Variants in ERBIN observed in about 807,000 individuals in gnomAD.
ERBIN encodes the protein densin-180-like protein.
In ERBIN, 60 loss-of-function variants were observed where a neutral mutation model predicts 158.4. That is an observed-to-expected ratio of 0.38 (90% CI 0.31 to 0.47). ERBIN has a LOEUF of 0.47. ERBIN is among the 20% of genes least tolerant of loss of function. The probability of loss-of-function intolerance (pLI) is 0.99; values close to 1 mark genes in which losing one functional copy is unlikely to be tolerated. For synonymous variants in ERBIN, 594 were observed against 557.2 expected, an observed-to-expected ratio of 1.07 and a Z score of -0.93; for missense variants, 1,610 against 1,648.0, an observed-to-expected ratio of 0.98 and a Z score of 0.40.
At chr5:65,938,114 T>A (rs1335125718) in intron 1 of ERBIN, among the ~76,000 whole-genome samples, 1 of 152,196 alleles carries the variant, frequency 6.6e-6, no homozygotes, top group Non-Finnish European at 1.5e-5. Context: ...ATACGCATAT[T>A]TGTTATTTTT....
Position 66,043,152 on chromosome 5 carries a change from C to T in ERBIN, c.1382C>T (p.Ala461Val). 4 of 1,613,212 alleles carry T rather than the reference C, an allele frequency of 2.5e-6. No homozygotes were observed. The highest frequency in any genetic ancestry group is 3.4e-6 in the Non-Finnish European group (4 of 1,179,320). ...EEQRKQRAQVAFECDEDKDER... is the reference protein window; with the variant it reads ...EEQRKQRAQVVFECDEDKDER... ...CAGAGGAAACAGCGGGCTCAAGTTG[C>T]ATTTGAATGTGATGAAGACAAAGAT... is the stretch of plus-strand genomic sequence containing the variant. Residue 461 changes from alanine to valine, a missense_variant, in exon 16 of 26, where the codon GCA becomes GTA. Transcript: ENST00000284037.
chr5:65,960,430 C>G (rs192788154), intron 1 of ERBIN, among the ~76,000 whole-genome samples: 243 of 152,254 alleles, frequency 1.6e-3, no homozygotes, highest in Non-Finnish European at 3.0e-3. Context: ...AGTTGTACAC[C>G]TAAGACCTCT....
chr5:66,025,855 T>A lies in ERBIN; in HGVS notation c.898T>A (p.Ser300Thr). 1 of 1,494,300 alleles carries A rather than the reference T, an allele frequency of 6.7e-7. No homozygotes were observed. The allele number at this position is 1,494,300 out of a possible 1,614,324, so 92.6% of individuals were successfully genotyped here. A position where few individuals can be genotyped will look rare whatever the true frequency, so the allele number is the denominator to read the frequency against. The change falls in exon 12 of 26, where the codon TCA (serine) becomes ACA (threonine). Residue 300 changes from serine (S) to threonine (T), a missense_variant. Physicochemically the swap from Ser to Thr is moderately conservative, Grantham distance 58 (BLOSUM62 1). Coordinates refer to ENST00000284037, the MANE Select transcript of ERBIN (RefSeq NM_001253697.2). ...TCTTTTTTTAAATTAAAGGTTAATA[T>A]CAGTAGAAGAACTGGATTGTAGTTT... ...YLPDSIGGLI[S>T]VEELDCSFNE... is the part of the protein sequence containing the mutation.
chr5:66,037,096 T>C (rs1357839302), intron 14 of ERBIN, among the ~76,000 whole-genome samples: 5 of 152,174 alleles, frequency 3.3e-5, no homozygotes, highest in Non-Finnish European at 1.5e-5. Context: ...TCCCATATAA[T>C]TTTTATATGC....
At chr5:66,045,282 A>G (rs1364700860) in intron 17 of ERBIN, among the ~76,000 whole-genome samples, 1 of 152,090 alleles carries the variant, frequency 6.6e-6, no homozygotes, top group African/African-American at 2.4e-5. Context: ...TCATAACACA[A>G]CTTTCCTATA....
intron 21 of ERBIN, among the ~76,000 whole-genome samples, chr5:66,064,510 A>G (rs1021300739): frequency 6.6e-6 from 1 of 152,180 alleles, no homozygotes; most frequent in African/African-American, 2.4e-5. Context: ...TAATTTTCCC[A>G]GGATGATATG....
chr5:66,026,422 G>A lies in ERBIN; in HGVS notation c.1136+5G>A, dbSNP rs368426796. The stretch of plus-strand genomic sequence containing the variant: ...CATTAATTTAAGTGATAATAGGTTC[G>A]TAATACTATATTCATCAGTTGGTTT... On this transcript the variant is annotated splice_donor_5th_base_variant and intron_variant, in intron 13 of 25. Transcript: ENST00000284037. 8.8e-6 allele frequency: 13 copies of A among 1,477,046 alleles called. No homozygotes were observed. The highest frequency in any genetic ancestry group is 2.8e-5 in the African/African-American group (2 of 70,680). The allele number at this position is 1,477,046 out of a possible 1,614,324, so 91.5% of individuals were successfully genotyped here.
intron 18 of ERBIN, among the ~76,000 whole-genome samples, chr5:66,047,079 T>A (rs1008312728): frequency 1.3e-5 from 2 of 152,122 alleles, no homozygotes; most frequent in African/African-American, 2.4e-5. Flanking sequence ...TTTTAGAACA[T>A]GTTTCTCACC....
chr5:66,012,299 C>T (rs1754288967), intron 5 of ERBIN, among the ~76,000 whole-genome samples, 172 bp downstream of exon 5: 1 of 152,150 alleles, frequency 6.6e-6, no homozygotes, highest in Non-Finnish European at 1.5e-5. Context: ...ACCCCATGTA[C>T]TACTGAGGTA....
chr5:65,965,560 A>ATGCCTGGCTAG (rs1748509357), intron 1 of ERBIN, among the ~76,000 whole-genome samples: 1 of 6,326 alleles, frequency 1.6e-4, no homozygotes, highest in South Asian at 8.2e-3. Flanking sequence ...ATGTGCTACC[A>ATGCCTGGCTAG]TTTTTGTATT....
intron 1 of ERBIN, chr5:65,984,831 GAA>G (rs1751040122): frequency 6.7e-6 from 1 of 149,896 alleles, no homozygotes; most frequent in Non-Finnish European, 1.5e-5. Flanking sequence ...ATTGCTCACT[GAA>G]AAAGAAAAAA....
At chr5:66,025,225 AG>A in intron 10 of ERBIN, 1 of 427,124 alleles carries the variant, frequency 2.3e-6, no homozygotes. Flanking sequence ...AAGACAAAAA[AG>A]TTCCTACTAT....
chr5:65,976,111 A>T (rs557650629), intron 1 of ERBIN, among the ~76,000 whole-genome samples: 1 of 152,344 alleles, frequency 6.6e-6, no homozygotes, highest in East Asian at 1.9e-4. Flanking sequence ...GAACTGGTGG[A>T]ATACCTGTGG....
chr5:65,936,826 T>C (rs1219123007), intron 1 of ERBIN, among the ~76,000 whole-genome samples: 1 of 152,212 alleles, frequency 6.6e-6, no homozygotes, highest in African/African-American at 2.4e-5. Context: ...CTCCCAGATA[T>C]ACTCCGGTAT....
rs963880185 is a variant in ERBIN at position 65,927,210 on chromosome 5, C to G, written c.-58+404C>G. Among the ~76,000 whole-genome samples the G allele has an allele frequency of 2.9e-4, 44 of 152,156 alleles. 1 individual carries two copies. Among genetic ancestry groups the G allele is most frequent in the Non-Finnish European group, 4.4e-5 (3 of 68,032 alleles). ...TTTGGTCGCTGCAGTGAGTGATTTG[C>G]TGTTATTGAGATGGCTGCCGCGTTT... On this transcript the variant is annotated intron_variant, in intron 1 of 25. Coordinates refer to ENST00000284037, the MANE Select transcript of ERBIN (RefSeq NM_001253697.2).
At chr5:66,043,860 A>T (rs1403483519) in intron 16 of ERBIN, among the ~76,000 whole-genome samples, 2 of 152,210 alleles carry the variant, frequency 1.3e-5, no homozygotes, top group African/African-American at 4.8e-5. Flanking sequence ...GCTAAGTGAC[A>T]CAATTTTTGG....
At chr5:66,005,244 T>C (rs931633812) in intron 4 of ERBIN, among the ~76,000 whole-genome samples, 11 of 152,040 alleles carry the variant, frequency 7.2e-5, no homozygotes, top group Admixed American at 5.2e-4. Flanking sequence ...ACGGATCGGA[T>C]GTGGGATGTG....
rs574238423 is a variant in ERBIN at position 66,050,969 on chromosome 5, G to A, written c.2087+3G>A. ...ATTGATATTAATTCCAAAATCAGGTGTGTGAACCTCTTTTACAGTTTTTTA... is the reference window on the plus strand; with the variant it reads ...ATTGATATTAATTCCAAAATCAGGTATGTGAACCTCTTTTACAGTTTTTTA... On this transcript the variant is annotated splice_donor_region_variant and intron_variant, in intron 20 of 25. Transcript: ENST00000284037. 23 of 1,587,788 alleles carry A rather than the reference G, an allele frequency of 1.4e-5. No homozygotes were observed. Among genetic ancestry groups the A allele is most frequent in the African/African-American group, 9.5e-5 (7 of 73,498 alleles).
intron 1 of ERBIN, among the ~76,000 whole-genome samples, chr5:65,964,944 G>T: frequency 3.9e-5 from 3 of 77,816 alleles, no homozygotes; most frequent in South Asian, 4.6e-4. Context: ...GTGTGTGTGT[G>T]TAATTTTTTT....
Sources: allele counts gnomAD v4.1 joint callset (sites outside exome capture counted in the v4.1 genomes callset), GRCh38; gene constraint gnomAD v4.1.1; transcripts MANE v1.5; gene names NCBI Gene and HGNC (gene_info 2026-07-23, HGNC 2026-07-21).